The following GRM5 variants were observed in gnomAD, a reference collection of about 807,000 sequenced individuals.
The protein encoded by GRM5 is metabotropic glutamate receptor 5.
A neutral mutation model predicts 83.1 loss-of-function variants in GRM5; 19 were observed. The ratio of observed to expected loss-of-function variants is 0.23; its 90% confidence interval spans 0.16 to 0.34. The LOEUF (loss-of-function observed/expected upper bound fraction) is 0.34, where lower values mean the gene tolerates loss of function less well. Ranked by LOEUF, GRM5 falls within the 10% of genes least tolerant of loss-of-function variation. GRM5 has a pLI of 1.00. For synonymous variants in GRM5, 675 were observed against 633.6 expected (o/e 1.07, Z -0.98); for missense variants, 1,160 against 1,588.3 (o/e 0.73, Z 4.58).
At chr11:89,018,968 C>T (rs1369205629) in intron 2 of GRM5, among the ~76,000 whole-genome samples, 5 of 152,042 alleles carry the variant, frequency 3.3e-5, no homozygotes, top group Admixed American at 6.5e-5. Context: ...TAACTAAAGC[C>T]TATAGTTAGT....
In GRM5 at chr11:88,707,256, C is replaced by A. The variant is rs555501029; in HGVS notation, c.912-53853G>T. 2.6e-5 allele frequency among the ~76,000 whole-genome samples: 4 copies of A among 152,136 alleles called. No homozygotes were observed. In the East Asian group the frequency reaches 7.8e-4, roughly 29 times the overall value. On this transcript the variant is annotated intron_variant, in intron 3 of 9. Coordinates refer to ENST00000305447, the MANE Select transcript of GRM5 (RefSeq NM_001143831.3). ...TAGCTATCACATATAGAATTTTGTG[C>A]ATTAAGTTAATATCTAAAAATACTT...
chr11:88,826,419 C>T lies in GRM5; in HGVS notation c.911+23487G>A, dbSNP rs187549105. 3.3e-3 allele frequency among the ~76,000 whole-genome samples: 504 copies of T among 151,612 alleles called. 2 individuals are homozygous for T. The highest frequency in any genetic ancestry group is 0.012 in the African/African-American group (480 of 41,458). Reference sequence around the variant, plus strand: ...AAGGCCATTATCAACTACAAATACACAGACACACATGTATGTACAAATAAT... The same window carrying T: ...AAGGCCATTATCAACTACAAATACATAGACACACATGTATGTACAAATAAT... On this transcript the variant is annotated intron_variant, in intron 3 of 9. Transcript: ENST00000305447.
intron 2 of GRM5, among the ~76,000 whole-genome samples, chr11:88,891,060 A>G (rs138459781): frequency 6.2e-4 from 95 of 152,230 alleles, no homozygotes; most frequent in African/African-American, 2.1e-3. Context: ...ATTGAAATAA[A>G]AGCACTGTAA....
chr11:88,616,269 G>T (rs556853691), intron 4 of GRM5, among the ~76,000 whole-genome samples: 74 of 152,116 alleles, frequency 4.9e-4, no homozygotes, highest in Non-Finnish European at 8.1e-4. Context: ...GCATTAGCAA[G>T]TGCAAATATG....
At chr11:88,842,560 A>C (rs1944221929) in intron 3 of GRM5, among the ~76,000 whole-genome samples, 2 of 152,088 alleles carry the variant, frequency 1.3e-5, no homozygotes, top group Admixed American at 1.3e-4. Flanking sequence ...TTTTCACTTG[A>C]TCTCCTAAAT....
chr11:88,528,117 CAAAA>C (rs1555061206), intron 8 of GRM5, among the ~76,000 whole-genome samples: 1 of 139,886 alleles, frequency 7.1e-6, no homozygotes, highest in East Asian at 2.1e-4. Flanking sequence ...AAACAAAAAA[CAAAA>C]ACAAAACCTA....
intron 9 of GRM5, among the ~76,000 whole-genome samples, chr11:88,510,002 TAGTC>T (rs1941321616): frequency 6.6e-6 from 1 of 152,242 alleles, no homozygotes; most frequent in African/African-American, 2.4e-5. Flanking sequence ...TACCAGGAGG[TAGTC>T]AGTGGTTCCA....
At chr11:88,568,131 T>G (rs935420311) in intron 7 of GRM5, 139 bp from the exon 8 acceptor site, 6 of 607,328 alleles carry the variant, frequency 9.9e-6, no homozygotes, top group African/African-American at 3.7e-5. Flanking sequence ...CTCCTGCTAC[T>G]TATTGTTTCA....
At chr11:88,662,811 A>G (rs1939940791) in intron 3 of GRM5, among the ~76,000 whole-genome samples, 2 of 152,102 alleles carry the variant, frequency 1.3e-5, no homozygotes, top group South Asian at 4.1e-4. Context: ...CCAGCACCAG[A>G]ATGGAGACTC....
chr11:89,046,522 T>C (rs1941645629), intron 2 of GRM5, among the ~76,000 whole-genome samples: 1 of 152,240 alleles, frequency 6.6e-6, no homozygotes, highest in Non-Finnish European at 1.5e-5. Flanking sequence ...GGGCTACTTA[T>C]TATTAACTAT....
chr11:88,665,180 C>CACACACACACACACAT (rs1940010229), intron 3 of GRM5, among the ~76,000 whole-genome samples: 1 of 151,776 alleles, frequency 6.6e-6, no homozygotes, highest in Non-Finnish European at 1.5e-5. Context: ...CACACACACA[C>CACACACACACACACAT]ACACACACAC....
chr11:88,786,222 G>A (rs1233489115), intron 3 of GRM5, among the ~76,000 whole-genome samples: 1 of 152,036 alleles, frequency 6.6e-6, no homozygotes, highest in Non-Finnish European at 1.5e-5. Flanking sequence ...GTAACACTGG[G>A]CATGTGTTCT....
intron 3 of GRM5, among the ~76,000 whole-genome samples, chr11:88,778,537 A>G (rs1225469285): frequency 6.6e-6 from 1 of 151,988 alleles, no homozygotes; most frequent in African/African-American, 2.4e-5. Flanking sequence ...TTCTGCATCG[A>G]TCACATTAGG....
At chr11:88,936,131 T>G (rs4556542) in intron 2 of GRM5, among the ~76,000 whole-genome samples, 14 of 151,970 alleles carry the variant, frequency 9.2e-5, no homozygotes, top group African/African-American at 3.4e-4. Context: ...CAGAAAGACT[T>G]GCGCTCAGAT....
intron 3 of GRM5, among the ~76,000 whole-genome samples, chr11:88,680,480 A>G (rs1940451473): frequency 6.6e-6 from 1 of 152,120 alleles, no homozygotes; most frequent in Admixed American, 6.6e-5. Context: ...AATCCAGTCT[A>G]TCATTGTTGG....
At chr11:88,682,559 CAT>C (rs1491379314) in intron 3 of GRM5, among the ~76,000 whole-genome samples, 1 of 151,674 alleles carries the variant, frequency 6.6e-6, no homozygotes, top group Non-Finnish European at 1.5e-5. Context: ...GCAACTGAAA[CAT>C]TTTTTTTTTT....
chr11:88,899,897 T>A (rs1421200241), intron 2 of GRM5, among the ~76,000 whole-genome samples: 1 of 152,114 alleles, frequency 6.6e-6, no homozygotes, highest in Non-Finnish European at 1.5e-5. Context: ...TATATTTTTG[T>A]CCAGTCCACC....
chr11:88,983,941 T>C (rs1307234824), intron 2 of GRM5, among the ~76,000 whole-genome samples: 1 of 151,890 alleles, frequency 6.6e-6, no homozygotes, highest in Non-Finnish European at 1.5e-5. Context: ...AGTTAAAAAA[T>C]AAAAACTTTT....
chr11:89,034,418 A>G (rs1019634503), intron 2 of GRM5, among the ~76,000 whole-genome samples: 2 of 151,946 alleles, frequency 1.3e-5, no homozygotes, highest in African/African-American at 4.8e-5. Flanking sequence ...TACATATTCT[A>G]TTCATCTCTT....
Sources: allele counts gnomAD v4.1 joint callset (sites outside exome capture counted in the v4.1 genomes callset), GRCh38; gene constraint gnomAD v4.1.1; transcripts MANE v1.5; gene names NCBI Gene and HGNC (gene_info 2026-07-23, HGNC 2026-07-21).